Variants in GABRB1 observed in about 807,000 individuals in gnomAD.
The protein encoded by GABRB1 is gamma-aminobutyric acid receptor subunit beta-1.
A neutral mutation model predicts 51.6 loss-of-function variants in GABRB1; 17 were observed. That is an observed-to-expected ratio of 0.33 (90% CI 0.23 to 0.49). The LOEUF (loss-of-function observed/expected upper bound fraction) is 0.49, where lower values mean the gene tolerates loss of function less well. Among genes scored for constraint, GABRB1 ranks in the 20% least tolerant of loss-of-function variants. The pLI is 0.99. For synonymous variants in GABRB1, 247 were observed against 218.9 expected, an observed-to-expected ratio of 1.13 and a Z score of -1.14; for missense variants, 410 against 600.6, an observed-to-expected ratio of 0.68 and a Z score of 3.32.
At chr4:47,229,248 T>G (rs1413312726) in intron 4 of GABRB1, among the ~76,000 whole-genome samples, 1 of 152,180 alleles carries the variant, frequency 6.6e-6, no homozygotes, top group East Asian at 1.9e-4. Context: ...AGAAACTGAA[T>G]GAATGTTGAA....
intron 4 of GABRB1, among the ~76,000 whole-genome samples, chr4:47,235,694 C>T (rs990218370): frequency 1.3e-5 from 2 of 151,848 alleles, no homozygotes; most frequent in Admixed American, 1.3e-4. Flanking sequence ...TTTTTAGTTC[C>T]CCCAAATAAA....
chr4:47,282,640 G>A (rs752667066), intron 4 of GABRB1, among the ~76,000 whole-genome samples: 90 of 151,988 alleles, frequency 5.9e-4, no homozygotes, highest in Non-Finnish European at 7.9e-4. Context: ...ATTACATGGT[G>A]AGGAAATTAT....
At chr4:47,201,168 A>G (rs752245856) in intron 4 of GABRB1, among the ~76,000 whole-genome samples, 3 of 152,024 alleles carry the variant, frequency 2.0e-5, no homozygotes, top group Non-Finnish European at 4.4e-5. Context: ...TAAGGATACA[A>G]AAAAAATATT....
chr4:47,197,112 C>G (rs1187164628), intron 4 of GABRB1, among the ~76,000 whole-genome samples: 1 of 152,212 alleles, frequency 6.6e-6, no homozygotes, highest in Non-Finnish European at 1.5e-5. Flanking sequence ...GCAGTAACAA[C>G]CAGATTTCCT....
At chr4:47,019,635 C>CTTTCTTTG (rs1194362352) in intron 1 of GABRB1, among the ~76,000 whole-genome samples, 1 of 121,638 alleles carries the variant, frequency 8.2e-6, no homozygotes, top group Non-Finnish European at 1.6e-5. Flanking sequence ...CTCTTTCTTT[C>CTTTCTTTG]TTTCTTTCTT....
chr4:47,031,231 C>G (rs1306486395), upstream of GABRB1: 8 of 179,184 alleles, frequency 4.5e-5, no homozygotes, highest in East Asian at 1.1e-3. Context: ...CCAGAGTCCC[C>G]GTTCTAGGAC....
intron 3 of GABRB1, among the ~76,000 whole-genome samples, chr4:47,107,753 G>GA (rs1204188735): frequency 6.6e-6 from 1 of 151,882 alleles, no homozygotes; most frequent in African/African-American, 2.4e-5. Flanking sequence ...TCAATCTGGA[G>GA]AAAAAACAAA....
chr4:47,393,160 C>T (rs766335913), intron 5 of GABRB1, among the ~76,000 whole-genome samples: 1 of 152,202 alleles, frequency 6.6e-6, no homozygotes, highest in Non-Finnish European at 1.5e-5. Context: ...GCTGTAGCTA[C>T]TTGATTAACA....
Position 47,254,361 on chromosome 4 carries a change from GTTTTT to G in GABRB1, c.462-65739_462-65735del, listed in dbSNP as rs56838956. Among the ~76,000 whole-genome samples, 190 of 80,878 alleles carry G rather than the reference GTTTTT, an allele frequency of 2.3e-3. 1 individual carries two copies. Among genetic ancestry groups the G allele is most frequent in the African/African-American group, 3.8e-3 (73 of 19,270 alleles). The allele number at this position is 80,878 out of a possible 152,430, so 53.1% of individuals were successfully genotyped here. ...ATGGTGGATGATGTTTCTTTTCTTT[GTTTTT>G]TTTTTTTTTTTTTTTTTTTTTTTTT... is the stretch of plus-strand genomic sequence containing the variant. On this transcript the variant is annotated intron_variant, in intron 4 of 8. Transcript: ENST00000295454.
chr4:47,010,948 CT>C (rs1425486872), intron 1 of GABRB1, among the ~76,000 whole-genome samples: 1 of 152,012 alleles, frequency 6.6e-6, no homozygotes, highest in Non-Finnish European at 1.5e-5. Context: ...ATTTTTGAAC[CT>C]GACACTTTTT....
chr4:47,157,115 C>A (rs924590302), intron 3 of GABRB1, among the ~76,000 whole-genome samples: 1 of 152,036 alleles, frequency 6.6e-6, no homozygotes, highest in African/African-American at 2.4e-5. Flanking sequence ...AGCTCATATC[C>A]ATTAATCACA....
At chr4:47,290,839 G>T (rs1312062726) in intron 4 of GABRB1, among the ~76,000 whole-genome samples, 3 of 152,106 alleles carry the variant, frequency 2.0e-5, no homozygotes, top group African/African-American at 7.2e-5. Context: ...GCATTCAAAA[G>T]GTGACTTGGG....
chr4:47,242,807 T>C (rs941553355), intron 4 of GABRB1, among the ~76,000 whole-genome samples: 1 of 152,218 alleles, frequency 6.6e-6, no homozygotes, highest in African/African-American at 2.4e-5. Context: ...GATGGGTAGA[T>C]TGTAAAACTT....
chr4:47,046,941 T>A (rs1303663862), intron 3 of GABRB1, among the ~76,000 whole-genome samples: 1 of 152,052 alleles, frequency 6.6e-6, no homozygotes, highest in Admixed American at 6.6e-5. Flanking sequence ...AGCTAAACGA[T>A]GAAATACATG....
At chr4:47,142,761 T>C (rs1216770042) in intron 3 of GABRB1, among the ~76,000 whole-genome samples, 3 of 151,766 alleles carry the variant, frequency 2.0e-5, no homozygotes, top group African/African-American at 4.8e-5. Context: ...GTGGGAAGCA[T>C]AGACAAAGGA....
intron 3 of GABRB1, among the ~76,000 whole-genome samples, chr4:47,106,744 C>T (rs1454517115): frequency 1.3e-5 from 2 of 152,038 alleles, no homozygotes; most frequent in East Asian, 3.9e-4. Flanking sequence ...CCATCTCTTT[C>T]CGAGGTTGCT....
intron 1 of GABRB1, among the ~76,000 whole-genome samples, chr4:47,019,936 G>A (rs987931814): frequency 7.3e-5 from 11 of 149,876 alleles, no homozygotes; most frequent in African/African-American, 2.0e-4. Flanking sequence ...ATATGTATAC[G>A]TATATGTATA....
At chr4:47,292,443 T>C (rs1369802971) in intron 4 of GABRB1, among the ~76,000 whole-genome samples, 1 of 152,206 alleles carries the variant, frequency 6.6e-6, no homozygotes, top group Non-Finnish European at 1.5e-5. Context: ...AAATTATAAT[T>C]GAAAATACTT....
At chr4:47,292,234 T>C (rs1322833032) in intron 4 of GABRB1, among the ~76,000 whole-genome samples, 4 of 152,178 alleles carry the variant, frequency 2.6e-5, no homozygotes, top group African/African-American at 9.7e-5. Flanking sequence ...TGCCACCATA[T>C]GAGACTTGCC....
Sources: gnomAD v4.1 joint callset for allele counts (sites outside exome capture counted in the v4.1 genomes callset) on GRCh38, gnomAD v4.1.1 for gene constraint, MANE v1.5 for transcripts, NCBI Gene and HGNC (gene_info 2026-07-23, HGNC 2026-07-21) for gene names.